The following MYPN variants were observed in gnomAD, a reference collection of about 807,000 sequenced individuals.
The protein encoded by MYPN is myopalladin, also known as sarcomeric protein myopalladin, 145 kDa (MYOP).
In MYPN, 63 loss-of-function variants were observed where a neutral mutation model predicts 129.4. The observed-to-expected ratio is 0.49, with a 90% CI of 0.40 to 0.60. The LOEUF (loss-of-function observed/expected upper bound fraction) is 0.60, where lower values mean the gene tolerates loss of function less well. Among genes scored for constraint, MYPN ranks in the 20% least tolerant of loss-of-function variants. The pLI is 0.00. For missense variants in MYPN, 1,596 were observed against 1,635.4 expected, an observed-to-expected ratio of 0.98 and a Z score of 0.42; for synonymous variants, 629 against 600.9, an observed-to-expected ratio of 1.05 and a Z score of -0.68.
At chr10:68,198,947 C>T (rs1170198775) in intron 16 of MYPN, among the ~76,000 whole-genome samples, 1 of 151,750 alleles carries the variant, frequency 6.6e-6, no homozygotes, top group African/African-American at 2.4e-5. Flanking sequence ...ACCTATGTAA[C>T]AAACCTGCGT....
Position 68,199,860 on chromosome 10 carries a change from T to C in MYPN, c.3493+285T>C, listed in dbSNP as rs117859180. Among the ~76,000 whole-genome samples the C allele has an allele frequency of 6.9e-4, 105 of 152,346 alleles. 2 individuals are homozygous for C. In the East Asian group the frequency reaches 0.019, roughly 28 times the overall value. On this transcript the variant is annotated intron_variant, in intron 17 of 19. Coordinates refer to ENST00000358913, the MANE Select transcript of MYPN (RefSeq NM_032578.4). ...TTAGCTGTCACTAAATTCCAGTTAT[T>C]TGCCCTACAGTCCATCATTCCTGGA... is the stretch of plus-strand genomic sequence containing the variant.
chr10:68,186,730 A>G (rs542578246), intron 12 of MYPN, among the ~76,000 whole-genome samples: 3 of 152,262 alleles, frequency 2.0e-5, no homozygotes, highest in Non-Finnish European at 2.9e-5. Flanking sequence ...TGCTGTCAAT[A>G]TAGGGAGAAG....
At chr10:68,133,001 A>G in intron 2 of MYPN, among the ~76,000 whole-genome samples, 1 of 151,024 alleles carries the variant, frequency 6.6e-6, no homozygotes, top group Non-Finnish European at 1.5e-5. Context: ...AACCATATAG[A>G]ATGCCATGTG....
intron 1 of MYPN, among the ~76,000 whole-genome samples, chr10:68,088,367 G>T (rs80295261): frequency 0.018 from 2,755 of 152,282 alleles, 91 homozygotes; most frequent in African/African-American, 0.063. Context: ...ATACAAATAG[G>T]ACTCAGTGGG....
At chr10:68,169,215 A>C (rs7894323) in intron 10 of MYPN, among the ~76,000 whole-genome samples, 57,525 of 140,210 alleles carry the variant, frequency 0.41, 13,414 homozygotes, top group Non-Finnish European at 0.52. Flanking sequence ...AAAATTAGCC[A>C]GGTGTTGTGG....
intron 1 of MYPN, among the ~76,000 whole-genome samples, chr10:68,094,246 G>A (rs1389676531): frequency 6.6e-6 from 1 of 151,682 alleles, no homozygotes; most frequent in Non-Finnish European, 1.5e-5. Flanking sequence ...AGCAGGTCTC[G>A]GCCTTATTTT....
chr10:68,184,230 G>GA (rs1273348869), intron 12 of MYPN, among the ~76,000 whole-genome samples: 1 of 152,160 alleles, frequency 6.6e-6, no homozygotes, highest in Non-Finnish European at 1.5e-5. Context: ...AGGTTTTCAG[G>GA]AATAACTGGA....
rs2043626205 is a variant in MYPN at position 68,197,366 on chromosome 10, T to C, written c.3173T>C (p.Val1058Ala). ...TGTTGTTATAGGGGAAGATCCCGAG[T>C]GCAAGAAAGAGACAAAGAGCCCCTA... ...AGQSHRGRSRVQERDKEPLQE... is the reference protein window; with the variant it reads ...AGQSHRGRSRAQERDKEPLQE... The change falls in exon 16 of 20, where the codon GTG (valine) becomes GCG (alanine). Residue 1058 changes from valine (V) to alanine (A), a missense_variant. Transcript: ENST00000358913. 1 of 1,613,692 alleles carries C rather than the reference T, an allele frequency of 6.2e-7. No individual in the cohort carries two copies. The highest frequency in any genetic ancestry group is 8.5e-7 in the Non-Finnish European group (1 of 1,179,800).
intron 4 of MYPN, 43 bp downstream of exon 4, chr10:68,145,569 CAATT>C (rs747538119): frequency 2.7e-6 from 4 of 1,492,706 alleles, no homozygotes; most frequent in African/African-American, 2.8e-5. Context: ...ATCCTCAGAT[CAATT>C]AATAGCTCAA....
intron 12 of MYPN, among the ~76,000 whole-genome samples, chr10:68,187,524 T>G (rs533769635): frequency 6.6e-6 from 1 of 152,330 alleles, no homozygotes; most frequent in Non-Finnish European, 1.5e-5. Flanking sequence ...TGGTGAATAG[T>G]GGTGCCATTT....
At chr10:68,148,709 A>C (rs1462295435) in intron 5 of MYPN, among the ~76,000 whole-genome samples, 1 of 152,194 alleles carries the variant, frequency 6.6e-6, no homozygotes, top group Non-Finnish European at 1.5e-5. Context: ...CTGGCTTTTC[A>C]GCTTTATAAA....
intron 1 of MYPN, among the ~76,000 whole-genome samples, chr10:68,119,041 G>T (rs191010446): frequency 1.4e-4 from 21 of 152,110 alleles, no homozygotes; most frequent in Middle Eastern, 3.4e-3. Flanking sequence ...ATTAAACGAG[G>T]CTAAAGAAAT....
At chr10:68,173,441 C>G (rs574943573) in intron 10 of MYPN, among the ~76,000 whole-genome samples, 4 of 152,284 alleles carry the variant, frequency 2.6e-5, no homozygotes, top group Admixed American at 1.3e-4. Flanking sequence ...CTTTGTTGCA[C>G]AACTCCAAGG....
At chr10:68,190,912 A>AGTTTTCCTAGCACCATTT (rs760009010) in intron 13 of MYPN, among the ~76,000 whole-genome samples, 58 of 152,260 alleles carry the variant, frequency 3.8e-4, no homozygotes, top group Middle Eastern at 3.4e-3. Flanking sequence ...ATGGGTATTT[A>AGTTTTCCTAGCACCATTT]GTTTTCCTAG....
At chr10:68,203,032 G>A (rs191521080) in intron 18 of MYPN, among the ~76,000 whole-genome samples, 1 of 152,058 alleles carries the variant, frequency 6.6e-6, no homozygotes, top group African/African-American at 2.4e-5. Context: ...TGGTTTTATT[G>A]GGCAAAAACA....
intron 1 of MYPN, among the ~76,000 whole-genome samples, chr10:68,117,026 C>A (rs189422909): frequency 1.9e-3 from 282 of 152,048 alleles, no homozygotes; most frequent in African/African-American, 6.6e-3. Context: ...TCAAGACCAT[C>A]CAGACTGATC....
At position 68,129,476 on chromosome 10, in the gene MYPN, A is replaced by G. The variant is rs138591464; in HGVS notation, c.902+7136A>G. Among the ~76,000 whole-genome samples the G allele has an allele frequency of 1.1e-3, 169 of 152,326 alleles. 4 individuals carry two copies. The highest frequency in any genetic ancestry group is 6.8e-3 in the Middle Eastern group (2 of 294). On this transcript the variant is annotated intron_variant, in intron 2 of 19. Coordinates refer to ENST00000358913, the MANE Select transcript of MYPN (RefSeq NM_032578.4). ...TGCAGTATTTTACTGTATGGCTAGA[A>G]TAATATATCATTGATGTACATTTGG...
intron 16 of MYPN, among the ~76,000 whole-genome samples, chr10:68,198,787 G>C (rs539560666): frequency 6.6e-6 from 1 of 150,534 alleles, no homozygotes; most frequent in South Asian, 2.1e-4. Flanking sequence ...AACACCACAT[G>C]TTCTCACTCA....
At chr10:68,164,624 G>T (rs1414694377) in intron 8 of MYPN, among the ~76,000 whole-genome samples, 11 of 152,180 alleles carry the variant, frequency 7.2e-5, no homozygotes, top group Admixed American at 7.2e-4. Flanking sequence ...TTTAATGTCA[G>T]TTCAATGGAG....
Sources: allele counts gnomAD v4.1 joint callset (sites outside exome capture counted in the v4.1 genomes callset), GRCh38; gene constraint gnomAD v4.1.1; transcripts MANE v1.5; gene names NCBI Gene and HGNC (gene_info 2026-07-23, HGNC 2026-07-21).